PACS1: variants seen among roughly 807,000 people sequenced by gnomAD.
PACS1 encodes phosphofurin acidic cluster sorting protein 1, also known as PACS-1.
In PACS1, 24 loss-of-function variants were observed where a neutral mutation model predicts 115.0. That is an observed-to-expected ratio of 0.21 (90% CI 0.15 to 0.29). The LOEUF (loss-of-function observed/expected upper bound fraction) is 0.29, where lower values mean the gene tolerates loss of function less well. PACS1 is among the 10% of genes least tolerant of loss of function. PACS1 has a pLI of 1.00. For missense variants in PACS1, 838 were observed against 1,251.2 expected (o/e 0.67, Z 4.98); for synonymous variants, 453 against 504.5 (o/e 0.90, Z 1.37).
At chr11:66,154,090 G>T (rs939015913) in intron 1 of PACS1, among the ~76,000 whole-genome samples, 1 of 152,196 alleles carries the variant, frequency 6.6e-6, no homozygotes, top group African/African-American at 2.4e-5. Context: ...AAAAGGGTCA[G>T]TATCTTACAG....
intron 2 of PACS1, among the ~76,000 whole-genome samples, chr11:66,205,647 C>T (rs1185396295): frequency 6.7e-6 from 1 of 149,784 alleles, no homozygotes; most frequent in South Asian, 2.1e-4. Context: ...AATATCACTA[C>T]AATACTCTTA....
At chr11:66,084,794 T>C (rs1218261279) in intron 1 of PACS1, among the ~76,000 whole-genome samples, 1 of 152,252 alleles carries the variant, frequency 6.6e-6, no homozygotes, top group African/African-American at 2.4e-5. Flanking sequence ...GAGAATGAGA[T>C]CTGTGTAACA....
At chr11:66,176,656 C>A (rs374417644) in intron 1 of PACS1, among the ~76,000 whole-genome samples, 3 of 152,102 alleles carry the variant, frequency 2.0e-5, no homozygotes, top group African/African-American at 7.2e-5. Context: ...GCAAGTGATC[C>A]GCCTGCCTCC....
intron 1 of PACS1, among the ~76,000 whole-genome samples, chr11:66,133,915 AG>A (rs1858764810): frequency 6.6e-6 from 1 of 152,234 alleles, no homozygotes; most frequent in Admixed American, 6.5e-5. Flanking sequence ...TTAGCAAGCC[AG>A]ACAGATACTT....
At chr11:66,159,529 T>TA (rs1859440457) in intron 1 of PACS1, among the ~76,000 whole-genome samples, 1 of 152,188 alleles carries the variant, frequency 6.6e-6, no homozygotes, top group Admixed American at 6.5e-5. Context: ...GTGTGCCAGT[T>TA]ACATTCCCAC....
intron 1 of PACS1, among the ~76,000 whole-genome samples, chr11:66,159,308 A>G (rs1394255910): frequency 6.6e-6 from 1 of 152,120 alleles, no homozygotes; most frequent in Non-Finnish European, 1.5e-5. Flanking sequence ...GTGGTGGCAC[A>G]TGCCTGTAAT....
chr11:66,130,601 A>T (rs1858677061), intron 1 of PACS1, among the ~76,000 whole-genome samples: 1 of 152,196 alleles, frequency 6.6e-6, no homozygotes, highest in Non-Finnish European at 1.5e-5. Context: ...ATAGTATTAC[A>T]TGATAATTCT....
At chr11:66,234,754 G>A (rs1855672936) in intron 17 of PACS1, among the ~76,000 whole-genome samples, 1 of 152,186 alleles carries the variant, frequency 6.6e-6, no homozygotes, top group Non-Finnish European at 1.5e-5. Context: ...GTGTGCACCT[G>A]TAGTCCCAGC....
At chr11:66,197,113 T>C (rs1854668532) in intron 2 of PACS1, among the ~76,000 whole-genome samples, 1 of 152,206 alleles carries the variant, frequency 6.6e-6, no homozygotes, top group Non-Finnish European at 1.5e-5. Context: ...AAAGATCCTT[T>C]CAAAGAACAA....
At chr11:66,174,919 G>A (rs1442109009) in intron 1 of PACS1, among the ~76,000 whole-genome samples, 6 of 152,196 alleles carry the variant, frequency 3.9e-5, no homozygotes, top group Non-Finnish European at 5.9e-5. Flanking sequence ...GGGAGGCCTA[G>A]GCGGGTGGAT....
chr11:66,129,704 G>A (rs1487770125), intron 1 of PACS1, among the ~76,000 whole-genome samples: 1 of 151,938 alleles, frequency 6.6e-6, no homozygotes, highest in Non-Finnish European at 1.5e-5. Flanking sequence ...GGATTACCTG[G>A]CTTGTGCTGC....
At chr11:66,158,708 T>A (rs557384420) in intron 1 of PACS1, among the ~76,000 whole-genome samples, 4 of 152,134 alleles carry the variant, frequency 2.6e-5, no homozygotes, top group African/African-American at 9.6e-5. Flanking sequence ...AAGCAGTTGG[T>A]CAAAGATAAT....
chr11:66,108,700 G>C (rs895281374), intron 1 of PACS1, among the ~76,000 whole-genome samples: 4 of 152,188 alleles, frequency 2.6e-5, no homozygotes, highest in Admixed American at 6.5e-5. Context: ...GGGTAATTGA[G>C]GCTGCAGTGA....
chr11:66,163,274 G>A (rs1185196674), intron 1 of PACS1, among the ~76,000 whole-genome samples: 4 of 150,568 alleles, frequency 2.7e-5, no homozygotes, highest in East Asian at 1.9e-4. Context: ...CTGCTTGAAC[G>A]AGGTGAGCAG....
chr11:66,120,434 A>G (rs193093477), intron 1 of PACS1, among the ~76,000 whole-genome samples: 2 of 152,228 alleles, frequency 1.3e-5, no homozygotes, highest in East Asian at 3.9e-4. Flanking sequence ...ATCAAACTCA[A>G]TTTGTGAAAT....
chr11:66,114,436 A>G (rs1590753677), intron 1 of PACS1, among the ~76,000 whole-genome samples: 2 of 143,736 alleles, frequency 1.4e-5, no homozygotes, highest in South Asian at 4.5e-4. Context: ...AAAAAAAAGT[A>G]CCTTGGGGAT....
rs1194156371 is a variant in PACS1 at position 66,071,003 on chromosome 11, G to A, written c.356+161G>A. 2.0e-5 allele frequency among the ~76,000 whole-genome samples: 3 copies of A among 152,090 alleles called. No homozygotes were observed. The East Asian group carries it at 5.8e-4, about 29-fold the overall frequency. ...AGGCCTCCCGGGACTCCTGCCACGG[G>A]GACCCGCCCTCTCCTGGCAGCCCCA... On this transcript the variant is annotated intron_variant, in intron 1 of 23. Transcript: ENST00000320580.
chr11:66,162,416 C>T (rs1263160428), intron 1 of PACS1, among the ~76,000 whole-genome samples: 1 of 152,202 alleles, frequency 6.6e-6, no homozygotes, highest in Non-Finnish European at 1.5e-5. Flanking sequence ...GCCACCGCGC[C>T]TGGCCTGATG....
At chr11:66,145,482 C>T (rs1336891284) in intron 1 of PACS1, among the ~76,000 whole-genome samples, 2 of 152,148 alleles carry the variant, frequency 1.3e-5, no homozygotes, top group African/African-American at 4.8e-5. Flanking sequence ...GGTCAAGCAA[C>T]AGACTGGCAA....
Sources: gnomAD v4.1 joint callset for allele counts (sites outside exome capture counted in the v4.1 genomes callset) on GRCh38, gnomAD v4.1.1 for gene constraint, MANE v1.5 for transcripts, NCBI Gene and HGNC (gene_info 2026-07-23, HGNC 2026-07-21) for gene names.